Variants in NSUN6 observed in about 807,000 individuals in gnomAD.
NSUN6 encodes the protein NOP2/Sun RNA methyltransferase 6.
NSUN6 carries 64 observed loss-of-function variants against 58.0 expected under a neutral mutation model. The ratio of observed to expected loss-of-function variants is 1.10; its 90% confidence interval spans 0.90 to 1.36. The LOEUF (loss-of-function observed/expected upper bound fraction) is 1.36, where lower values mean the gene tolerates loss of function less well. Among genes scored for constraint, NSUN6 ranks in the 40% most tolerant of loss-of-function variants. The pLI, the probability that NSUN6 is intolerant of heterozygous loss-of-function variation, is 0.00. For missense variants in NSUN6, 701 were observed against 550.1 expected (o/e 1.27, Z -2.74); for synonymous variants, 231 against 193.9 (o/e 1.19, Z -1.59).
intron 8 of NSUN6, among the ~76,000 whole-genome samples, chr10:18,556,627 G>GGAATGGAGAACGGAATGGA (rs1251511429): frequency 5.3e-5 from 8 of 150,624 alleles, no homozygotes; most frequent in Non-Finnish European, 1.0e-4. Context: ...GAATGGACAT[G>GGAATGGAGAACGGAATGGA]GAATGGAGAA....
rs2059692966 is a variant in NSUN6 at position 18,651,142 on chromosome 10, A to G, written c.62T>C (p.Phe21Ser). The change falls in exon 1 of 11, where the codon TTT (phenylalanine) becomes TCT (serine). Residue 21 changes from phenylalanine (F) to serine (S), a missense_variant. Phe to Ser is a radical substitution (Grantham distance 155). Transcript: ENST00000377304. ...PEVENYLKEG[F>S]MNKEIVTALG... is the part of the protein sequence containing the mutation. The stretch of plus-strand genomic sequence containing the variant: ...TACTTGACCTACCTCCTTATTCATA[A>G]AGCCTTCCTTAAGATAGTTTTCAAC... 1 of 1,576,522 alleles carries G rather than the reference A, an allele frequency of 6.3e-7. No individual in the cohort carries two copies. Among genetic ancestry groups the G allele is most frequent in the Non-Finnish European group, 8.5e-7 (1 of 1,169,874 alleles).
intron 8 of NSUN6, among the ~76,000 whole-genome samples, chr10:18,563,386 T>C (rs2055686741): frequency 6.7e-6 from 1 of 148,296 alleles, no homozygotes; most frequent in South Asian, 2.1e-4. Context: ...GAACGGAGAA[T>C]GGTATGGAAC....
At chr10:18,578,958 T>C (rs557448024) in intron 8 of NSUN6, among the ~76,000 whole-genome samples, 5 of 152,196 alleles carry the variant, frequency 3.3e-5, no homozygotes, top group Non-Finnish European at 5.9e-5. Flanking sequence ...CCACTTCTAA[T>C]ATTCTCACTG....
chr10:18,593,592 C>A (rs1038761280), intron 7 of NSUN6, among the ~76,000 whole-genome samples: 2 of 152,014 alleles, frequency 1.3e-5, no homozygotes, highest in Non-Finnish European at 2.9e-5. Context: ...TCATTCTCAG[C>A]AAACTAACAC....
intron 9 of NSUN6, 108 bp downstream of exon 9, chr10:18,551,715 C>T (rs951823042): frequency 1.6e-4 from 144 of 873,204 alleles, no homozygotes; most frequent in Non-Finnish European, 4.5e-5. Context: ...GGGTTGTTCC[C>T]ACCTTTTGGC....
At chr10:18,613,065 A>T (rs371512546) in intron 5 of NSUN6, among the ~76,000 whole-genome samples, 1 of 152,168 alleles carries the variant, frequency 6.6e-6, no homozygotes, top group East Asian at 1.9e-4. Flanking sequence ...AAAACTTCCA[A>T]CAGTATAACT....
At chr10:18,599,529 T>G (rs1048326912) in intron 6 of NSUN6, among the ~76,000 whole-genome samples, 1 of 152,212 alleles carries the variant, frequency 6.6e-6, no homozygotes. Flanking sequence ...TTTCCAACAC[T>G]GGAGCATCAG....
intron 8 of NSUN6, among the ~76,000 whole-genome samples, chr10:18,581,589 G>C (rs961271296): frequency 5.9e-5 from 9 of 152,178 alleles, no homozygotes; most frequent in African/African-American, 2.2e-4. Context: ...CACTTTGGGA[G>C]GCCGAGGTGG....
At chr10:18,589,202 T>A (rs180883966) in intron 7 of NSUN6, among the ~76,000 whole-genome samples, 1 of 151,986 alleles carries the variant, frequency 6.6e-6, no homozygotes, top group Admixed American at 6.5e-5. Context: ...AAATAAGGCA[T>A]AAAGACAAGA....
intron 1 of NSUN6, among the ~76,000 whole-genome samples, chr10:18,649,838 A>AT (rs1185614989): frequency 6.6e-6 from 1 of 152,146 alleles, no homozygotes; most frequent in Non-Finnish European, 1.5e-5. Context: ...ACTTCTCCTA[A>AT]TATGTGCCTT....
At chr10:18,588,020 C>T (rs1286903814) in intron 7 of NSUN6, among the ~76,000 whole-genome samples, 8 of 152,188 alleles carry the variant, frequency 5.3e-5, no homozygotes, top group Admixed American at 3.9e-4. Flanking sequence ...AGCTAAGAAC[C>T]ACTGGCTTGA....
chr10:18,626,639 A>G (rs1341974666), intron 3 of NSUN6, among the ~76,000 whole-genome samples: 1 of 152,130 alleles, frequency 6.6e-6, no homozygotes, highest in African/African-American at 2.4e-5. Context: ...GTGATGCCAG[A>G]CGCCTGTAAT....
chr10:18,652,993 T>C (rs1296952072), upstream of NSUN6: 2 of 985,048 alleles, frequency 2.0e-6, no homozygotes, highest in Non-Finnish European at 2.4e-6. Context: ...GACCATAGCA[T>C]ATTTCTTCAA....
chr10:18,576,611 G>GC (rs2056661517), intron 8 of NSUN6, among the ~76,000 whole-genome samples: 1 of 152,162 alleles, frequency 6.6e-6, no homozygotes, highest in Admixed American at 6.5e-5. Flanking sequence ...CTGCAGGTCA[G>GC]CCCCCGAGGG....
chr10:18,638,947 T>A (rs1172918828), intron 3 of NSUN6, among the ~76,000 whole-genome samples: 1 of 107,070 alleles, frequency 9.3e-6, no homozygotes, highest in African/African-American at 3.7e-5. Context: ...TTGACAATGT[T>A]AAAAAAAAAA....
At chr10:18,579,451 T>G (rs923663276) in intron 8 of NSUN6, among the ~76,000 whole-genome samples, 2 of 152,212 alleles carry the variant, frequency 1.3e-5, no homozygotes, top group African/African-American at 4.8e-5. Context: ...ATTACATGCG[T>G]GAGCCACGTC....
At chr10:18,582,857 A>T (rs796856003) in intron 8 of NSUN6, among the ~76,000 whole-genome samples, 6 of 152,314 alleles carry the variant, frequency 3.9e-5, no homozygotes, top group African/African-American at 1.4e-4. Flanking sequence ...CAGTTTACTA[A>T]AATAGTGGAG....
chr10:18,588,745 C>T (rs184417868), intron 7 of NSUN6, among the ~76,000 whole-genome samples: 1 of 152,186 alleles, frequency 6.6e-6, no homozygotes, highest in African/African-American at 2.4e-5. Context: ...AAGACCCCCA[C>T]AACAATCCCA....
intron 3 of NSUN6, among the ~76,000 whole-genome samples, chr10:18,623,745 CTTAAG>C (rs2058690342): frequency 6.6e-6 from 1 of 152,182 alleles, no homozygotes; most frequent in Admixed American, 6.5e-5. Flanking sequence ...CTGCTCATGA[CTTAAG>C]TTATCTAAGC....
Sources: gnomAD v4.1 joint callset for allele counts (sites outside exome capture counted in the v4.1 genomes callset) on GRCh38, gnomAD v4.1.1 for gene constraint, MANE v1.5 for transcripts, NCBI Gene and HGNC (gene_info 2026-07-23, HGNC 2026-07-21) for gene names.